KIAA0232: variants seen among roughly 807,000 people sequenced by gnomAD.
KIAA0232 encodes KIAA0232.
In KIAA0232, 27 loss-of-function variants were observed where a neutral mutation model predicts 122.0. The observed-to-expected ratio is 0.22, with a 90% confidence interval of 0.16 to 0.31. The LOEUF (loss-of-function observed/expected upper bound fraction) is 0.31, where lower values mean the gene tolerates loss of function less well. KIAA0232 is among the 10% of genes least tolerant of loss of function. The pLI, the probability that KIAA0232 is intolerant of heterozygous loss-of-function variation, is 1.00. For synonymous variants in KIAA0232, 613 were observed against 587.6 expected, an observed-to-expected ratio of 1.04 and a Z score of -0.63; for missense variants, 1,551 against 1,634.2, an observed-to-expected ratio of 0.95 and a Z score of 0.88.
intron 2 of KIAA0232, among the ~76,000 whole-genome samples, chr4:6,819,412 GA>G (rs1359678443): frequency 6.6e-6 from 1 of 151,266 alleles, no homozygotes; most frequent in South Asian, 2.1e-4. Context: ...AGTTCAACAA[GA>G]AAAAAAAGAC....
At chr4:6,794,144 C>T (rs1195456035) in intron 1 of KIAA0232, among the ~76,000 whole-genome samples, 3 of 152,096 alleles carry the variant, frequency 2.0e-5, no homozygotes, top group East Asian at 1.9e-4. Flanking sequence ...GTCGGATTCC[C>T]GTGAAGAGAG....
At chr4:6,790,203 C>T (rs1716829895) in intron 1 of KIAA0232, among the ~76,000 whole-genome samples, 1 of 152,130 alleles carries the variant, frequency 6.6e-6, no homozygotes, top group South Asian at 2.1e-4. Flanking sequence ...TTTCTGACAT[C>T]TTCCCTAAGT....
chr4:6,842,180 G>A lies in KIAA0232; in HGVS notation c.345G>A (p.Gln115=), dbSNP rs775130026. 4 of 1,604,800 alleles carry A rather than the reference G, an allele frequency of 2.5e-6. No homozygotes were observed. The highest frequency in any genetic ancestry group is 1.7e-5 in the Admixed American group (1 of 58,006). Residue 115 remains glutamine (Q), a synonymous_variant, in exon 4 of 10, where the codon CAG becomes CAA. Transcript: ENST00000307659. The part of the protein sequence containing the change: ...LEEMKKQAAV[Q]CLRSASDESS... ...AAATGAAAAAACAGGCTGCTGTCCA[G>A]TGTCTTCGATCTGCTTCTGATGAAG...
chr4:6,801,293 C>T (rs796245487), intron 1 of KIAA0232, among the ~76,000 whole-genome samples: 20 of 152,278 alleles, frequency 1.3e-4, no homozygotes, highest in African/African-American at 4.6e-4. Context: ...CCACTAGTGG[C>T]TACCATATTC....
At chr4:6,805,908 C>T (rs1016797773) in intron 2 of KIAA0232, among the ~76,000 whole-genome samples, 3 of 151,856 alleles carry the variant, frequency 2.0e-5, no homozygotes, top group South Asian at 2.1e-4. Flanking sequence ...TTAGTTGTTT[C>T]GTCCCTTTTC....
intron 9 of KIAA0232, among the ~76,000 whole-genome samples, chr4:6,878,829 C>T (rs1288516465): frequency 6.6e-6 from 1 of 152,192 alleles, no homozygotes. Flanking sequence ...CCTGTGAGAA[C>T]TGTCTGCCCA....
At chr4:6,793,283 T>G (rs1455058000) in intron 1 of KIAA0232, among the ~76,000 whole-genome samples, 1 of 152,154 alleles carries the variant, frequency 6.6e-6, no homozygotes, top group Non-Finnish European at 1.5e-5. Context: ...AAACAACTGT[T>G]TATTTGAAAT....
chr4:6,877,217 C>T (rs1412558629), intron 9 of KIAA0232, among the ~76,000 whole-genome samples: 3 of 152,168 alleles, frequency 2.0e-5, no homozygotes, highest in Admixed American at 6.5e-5. Context: ...CCGCCCTTTC[C>T]GTGTCCTCCT....
intron 4 of KIAA0232, among the ~76,000 whole-genome samples, chr4:6,846,952 G>A (rs758493932): frequency 6.6e-6 from 1 of 152,086 alleles, no homozygotes; most frequent in Non-Finnish European, 1.5e-5. Context: ...TCTTAAAAGT[G>A]CTTCTCAGTA....
chr4:6,798,622 G>A (rs944435575), intron 1 of KIAA0232, among the ~76,000 whole-genome samples: 1 of 152,130 alleles, frequency 6.6e-6, no homozygotes, highest in Non-Finnish European at 1.5e-5. Flanking sequence ...TGTGATTATC[G>A]CTCACTGCAC....
intron 4 of KIAA0232, among the ~76,000 whole-genome samples, chr4:6,851,720 A>AT (rs1720295351): frequency 7.9e-6 from 1 of 126,760 alleles, no homozygotes; most frequent in Admixed American, 8.3e-5. Context: ...TATCTCAAAA[A>AT]TTAAAAAAAA....
intron 2 of KIAA0232, among the ~76,000 whole-genome samples, chr4:6,812,120 G>A (rs1052490653): frequency 7.2e-5 from 11 of 152,160 alleles, no homozygotes; most frequent in African/African-American, 2.7e-4. Context: ...CTTCCAGGTA[G>A]TGTCTTGGAC....
In KIAA0232 at chr4:6,883,141, A is replaced by ATGG. The variant is rs1722164915; in HGVS notation, c.*2176_*2178dup. ...AAAGTGTGGCTTTTTAGTTTTGTGAATGGATGATCACAAAGAAAAAGCATT... is the reference window on the plus strand; with the variant it reads ...AAAGTGTGGCTTTTTAGTTTTGTGAATGGTGGATGATCACAAAGAAAAAGCATT... On this transcript the variant is annotated 3_prime_UTR_variant, in exon 10 of 10. Coordinates refer to ENST00000307659, the MANE Select transcript of KIAA0232 (RefSeq NM_014743.3). 1.3e-5 allele frequency: 2 copies of ATGG among 152,666 alleles called. No homozygotes were observed. Among genetic ancestry groups the ATGG allele is most frequent in the Admixed American group, 1.3e-4 (2 of 15,288 alleles). 9.5% of individuals were successfully genotyped at this position (152,666 alleles called of 1,614,324 possible).
intron 5 of KIAA0232, 94 bp from the exon 6 acceptor site, chr4:6,858,331 T>C (rs1720670284): frequency 1.4e-6 from 1 of 706,686 alleles, no homozygotes; most frequent in Non-Finnish European, 2.3e-6. Flanking sequence ...AAAGTCTCTA[T>C]TTCTTGTTAA....
rs563250265 is a variant in KIAA0232 at position 6,855,148 on chromosome 4, G to A, written c.370-2016G>A. 2.6e-5 allele frequency among the ~76,000 whole-genome samples: 4 copies of A among 151,796 alleles called. No homozygotes were observed. Among genetic ancestry groups the A allele is most frequent in the Admixed American group, 6.6e-5 (1 of 15,236 alleles). ...TGCCCAGGCTGGAGTGCAATGACGC[G>A]ATCTCAGCTCACTGCAACCTCCACC... is the stretch of plus-strand genomic sequence containing the variant. On this transcript the variant is annotated intron_variant, in intron 4 of 9. Coordinates refer to ENST00000307659, the MANE Select transcript of KIAA0232 (RefSeq NM_014743.3). The surrounding 1 kb of genome is among the most constrained non-coding windows in gnomAD (Gnocchi z 4.3).
At chr4:6,864,610 G>A (rs994283776) in intron 7 of KIAA0232, among the ~76,000 whole-genome samples, 5 of 151,706 alleles carry the variant, frequency 3.3e-5, no homozygotes, top group East Asian at 1.9e-4. Context: ...GTGGTGGCAG[G>A]CACCTGTAAT....
At chr4:6,856,715 G>T (rs1031559354) in intron 4 of KIAA0232, among the ~76,000 whole-genome samples, 3 of 151,436 alleles carry the variant, frequency 2.0e-5, no homozygotes, top group Non-Finnish European at 4.4e-5. Flanking sequence ...TTTTCTTCAG[G>T]GTGTGAGCTC....
chr4:6,860,828 G>A, intron 6 of KIAA0232, 73 bp from the exon 7 acceptor site: 10 of 1,240,646 alleles, frequency 8.1e-6, no homozygotes, highest in Non-Finnish European at 9.1e-6. Context: ...CATTCTTCTG[G>A]TTGGTAATGT....
At chr4:6,811,341 A>G (rs1717866776) in intron 2 of KIAA0232, among the ~76,000 whole-genome samples, 1 of 152,214 alleles carries the variant, frequency 6.6e-6, no homozygotes, top group Admixed American at 6.5e-5. Context: ...CATTATCTTA[A>G]GTGATAAGGC....
Sources: gnomAD v4.1 joint callset for allele counts (sites outside exome capture counted in the v4.1 genomes callset) on GRCh38, gnomAD v4.1.1 for gene constraint, Gnocchi (gnomAD v3.1) non-coding constraint, MANE v1.5 for transcripts, NCBI Gene and HGNC (gene_info 2026-07-23, HGNC 2026-07-21) for gene names.